Variants in ARSG observed in about 807,000 individuals in gnomAD.
ARSG encodes the protein ASG.
In ARSG, 37 loss-of-function variants were observed where a neutral mutation model predicts 50.5. That is an observed-to-expected ratio of 0.73 (90% CI 0.56 to 0.96). The LOEUF is 0.96. Ranked by LOEUF, ARSG falls within the 50% of genes least tolerant of loss-of-function variation. The probability of loss-of-function intolerance (pLI) is 0.00; values close to 1 mark genes in which losing one functional copy is unlikely to be tolerated. For synonymous variants in ARSG, 225 were observed against 254.6 expected, an observed-to-expected ratio of 0.88 and a Z score of 1.11; for missense variants, 629 against 675.3, an observed-to-expected ratio of 0.93 and a Z score of 0.76.
At chr17:68,436,495 CAG>C in the ARSG span, 2 of 1,611,596 alleles carry the variant, frequency 1.2e-6, no homozygotes, top group East Asian at 4.5e-5. Flanking sequence ...AAAGAAGAAA[CAG>C]AACATGAGAA....
downstream of ARSG, chr17:68,421,736 TA>T (rs547155514): frequency 7.4e-4 from 1,190 of 1,613,970 alleles, 7 homozygotes; most frequent in African/African-American, 0.011. Flanking sequence ...AACCACCTGA[TA>T]GGGGGGATGT....
downstream of ARSG, chr17:68,427,207 T>G (rs2083255764): frequency 6.2e-7 from 1 of 1,614,236 alleles, no homozygotes; most frequent in Admixed American, 1.7e-5. Flanking sequence ...AAGGAAGGTC[T>G]GAGGTCATTT....
intron 2 of ARSG, among the ~76,000 whole-genome samples, chr17:68,310,968 A>G (rs1218659659): frequency 6.6e-6 from 1 of 152,236 alleles, no homozygotes; most frequent in Non-Finnish European, 1.5e-5. Flanking sequence ...TAGGAGGCCA[A>G]GGTGGGCACA....
At chr17:68,288,166 T>A (rs1341379982), upstream of ARSG, among the ~76,000 whole-genome samples, 2 of 151,786 alleles carry the variant, frequency 1.3e-5, no homozygotes, top group Non-Finnish European at 2.9e-5. Flanking sequence ...CCGGCTGATT[T>A]TTTTTTTGTA....
intron 1 of ARSG, among the ~76,000 whole-genome samples, chr17:68,275,079 CTAGT>C (rs1450634908): frequency 6.6e-6 from 1 of 152,320 alleles, no homozygotes; most frequent in South Asian, 2.1e-4. Flanking sequence ...CGCGCCCAGC[CTAGT>C]TAGTTTCTTG....
chr17:68,422,055 G>T (rs148993949), downstream of ARSG: 553 of 553,760 alleles, frequency 1.0e-3, 3 homozygotes, highest in African/African-American at 9.9e-3. Flanking sequence ...GTGTGTGTGT[G>T]TATGTATTTA....
At chr17:68,280,737 T>C (rs1441770264) in intron 1 of ARSG, among the ~76,000 whole-genome samples, 5 of 152,190 alleles carry the variant, frequency 3.3e-5, no homozygotes, top group Non-Finnish European at 5.9e-5. Flanking sequence ...GGAAAGATTT[T>C]TATGGATAAG....
At position 68,370,438 on chromosome 17, in the gene ARSG, T is replaced by G. The variant is rs2079777526; in HGVS notation, c.902-6T>G. ...GGTGACCATTAATGCTTTTTCTGGT[T>G]TCTAGGAGACAATGGCCCGTGGGCT... On this transcript the variant is annotated splice_region_variant and splice_polypyrimidine_tract_variant and intron_variant, in intron 7 of 11. Coordinates refer to ENST00000621439, the MANE Select transcript of ARSG (RefSeq NM_001267727.2). 1.9e-6 allele frequency: 3 copies of G among 1,613,986 alleles called. No individual in the cohort carries two copies. In the East Asian group the frequency reaches 6.7e-5, roughly 36 times the overall value.
At chr17:68,372,097 T>C (rs1363136430) in intron 8 of ARSG, among the ~76,000 whole-genome samples, 1 of 152,164 alleles carries the variant, frequency 6.6e-6, no homozygotes, top group East Asian at 1.9e-4. Flanking sequence ...GTCCAAGAGG[T>C]TCAGAGGTGG....
chr17:68,307,637 G>C lies in ARSG; in HGVS notation c.144G>C (p.Trp48Cys). 6.2e-7 allele frequency: 1 copy of C among 1,613,172 alleles called. No individual in the cohort carries two copies. The highest frequency in any genetic ancestry group is 8.5e-7 in the Non-Finnish European group (1 of 1,179,158). Reference sequence around the variant, plus strand: ...TTATTTTGGCCGATGACATGGGGTGGGGTGACCTGGGAGCAAACTGGGCAG... The same window carrying C: ...TTATTTTGGCCGATGACATGGGGTGCGGTGACCTGGGAGCAAACTGGGCAG... ...FVIILADDMG[W>C]GDLGANWAET... Residue 48 changes from tryptophan to cysteine, a missense_variant, in exon 2 of 12, where the codon TGG becomes TGC. Coordinates refer to ENST00000621439, the MANE Select transcript of ARSG (RefSeq NM_001267727.2).
At position 68,271,771 on chromosome 17, in the gene ARSG, T is replaced by G. The variant is rs2075347833; in HGVS notation, c.-552+12345T>G. The G allele has an allele frequency of 1.4e-6, 1 of 739,162 alleles. No individual in the cohort carries two copies. Among genetic ancestry groups the G allele is most frequent in the Non-Finnish European group, 2.2e-6 (1 of 450,888 alleles). The allele number at this position is 739,162 out of a possible 1,614,324, so 45.8% of individuals were successfully genotyped here. ...ATTTTGTTATAAGTTCTGTGGAAAT[T>G]TATTATACTCAGCAGTATGAATGTA... On this transcript the variant is annotated intron_variant, in intron 1 of 11. Coordinates refer to the ARSG transcript ENST00000448504. This position sits in a 1 kb window ranked among gnomAD's most constrained non-coding sequence, Gnocchi z 5.3.
chr17:68,426,254 G>GGGGGGGGGGGGGGGGGGGGGGT, downstream of ARSG: 1 of 816,924 alleles, frequency 1.2e-6, no homozygotes, highest in Admixed American at 2.3e-5. Flanking sequence ...GGGAGCGGGG[G>GGGGGGGGGGGGGGGGGGGGGGT]CTCAAATAAA....
upstream of ARSG, among the ~76,000 whole-genome samples, chr17:68,289,549 A>C (rs1481075223): frequency 1.3e-5 from 2 of 152,234 alleles, no homozygotes; most frequent in African/African-American, 4.8e-5. Context: ...TTCTTCTTAA[A>C]GGCGTAGCCC....
the ARSG span, among the ~76,000 whole-genome samples, chr17:68,449,332 G>A: frequency 6.6e-6 from 1 of 152,172 alleles, no homozygotes. Flanking sequence ...CACAGTGCCT[G>A]CCTTCACAGT....
chr17:68,260,847 G>C (rs2144823444), intron 1 of ARSG, among the ~76,000 whole-genome samples: 1 of 152,064 alleles, frequency 6.6e-6, no homozygotes, highest in East Asian at 1.9e-4. Context: ...TTAAAAGAAA[G>C]CATTATGGAA....
At chr17:68,363,205 G>T (rs2079379550) in intron 6 of ARSG, among the ~76,000 whole-genome samples, 1 of 152,168 alleles carries the variant, frequency 6.6e-6, no homozygotes, top group Admixed American at 6.6e-5. Context: ...GAGGACTATT[G>T]GTGGCTTTGG....
At chr17:68,270,350 T>A (rs1256566359) in intron 1 of ARSG, among the ~76,000 whole-genome samples, 1 of 151,918 alleles carries the variant, frequency 6.6e-6, no homozygotes, top group Non-Finnish European at 1.5e-5. Flanking sequence ...GGTCAAGAGA[T>A]TGAGACCATC....
chr17:68,383,079 T>C (rs888989578), intron 8 of ARSG, among the ~76,000 whole-genome samples: 2 of 152,224 alleles, frequency 1.3e-5, no homozygotes, highest in African/African-American at 4.8e-5. Context: ...CCTCCAGCTT[T>C]CAGTCCTTTG....
At chr17:68,395,048 C>A (rs1290189020) in intron 9 of ARSG, 25 bp from the exon 10 acceptor site, 2 of 1,612,858 alleles carry the variant, frequency 1.2e-6, no homozygotes, top group Admixed American at 3.3e-5. Context: ...GAGCTGGGGA[C>A]AACTCAGTCT....
Sources: gnomAD v4.1 joint callset for allele counts (sites outside exome capture counted in the v4.1 genomes callset) on GRCh38, gnomAD v4.1.1 for gene constraint, Gnocchi (gnomAD v3.1) non-coding constraint, MANE v1.5 for transcripts, NCBI Gene and HGNC (gene_info 2026-07-23, HGNC 2026-07-21) for gene names.